Variants in OR10A2 observed in about 807,000 individuals in gnomAD.
OR10A2 encodes olfactory receptor 10A2.
A neutral mutation model predicts 13.7 loss-of-function variants in OR10A2; 15 were observed. The ratio of observed to expected loss-of-function variants is 1.10; its 90% CI spans 0.73 to 1.69. The LOEUF is 1.69. OR10A2 is among the 40% of genes most tolerant of loss of function. The pLI is 0.00. For missense variants in OR10A2, 343 were observed against 361.1 expected (o/e 0.95, Z 0.41); for synonymous variants, 145 against 144.7 (o/e 1.00, Z -0.02).
chr11:6,866,761 T>C (rs1848382006), intron 1 of OR10A2, among the ~76,000 whole-genome samples: 1 of 152,076 alleles, frequency 6.6e-6, no homozygotes, highest in Admixed American at 6.6e-5. Flanking sequence ...AACTTTTCTC[T>C]ATTTTCAGAA....
chr11:6,866,310 G>C (rs183118586), intron 1 of OR10A2, among the ~76,000 whole-genome samples: 317 of 152,320 alleles, frequency 2.1e-3, no homozygotes, highest in African/African-American at 7.3e-3. Flanking sequence ...ACTGTTTTCT[G>C]CAGTGGCTAT....
In OR10A2 at chr11:6,870,547, T is replaced by C. The variant is rs547229389; in HGVS notation, c.793T>C (p.Tyr265His). 2 of 1,614,140 alleles carry C rather than the reference T, an allele frequency of 1.2e-6. No individual in the cohort carries two copies. Among genetic ancestry groups the C allele is most frequent in the Admixed American group, 1.7e-5 (1 of 60,028 alleles). The change falls in exon 2 of 2, where the codon TAC (tyrosine) becomes CAC (histidine). Residue 265 changes from tyrosine (Y) to histidine (H), a missense_variant. Coordinates refer to ENST00000641461, the MANE Select transcript of OR10A2 (RefSeq NM_001004460.2). ...GGGCAAGAAGCTGCTATCATTGTCC[T>C]ACACTGTTATGACTCCCATGTTGAA... ...PEGKKLLSLS[Y>H]TVMTPMLNPI...
In OR10A2 at chr11:6,870,155, C is replaced by T. The variant is rs201402855; in HGVS notation, c.401C>T (p.Ala134Val). ...AGGACTCGTGCCAAACTGGCTGCTG[C>T]CTCCTGGTTCCCAGGCTTTCCTGTA... ...NQRTRAKLAA[A>V]SWFPGFPVAT... Residue 134 changes from alanine (A) to valine (V), a missense_variant, in exon 2 of 2, where the codon GCC becomes GTC. Ala to Val is a moderately conservative substitution (Grantham distance 64). Transcript: ENST00000641461. 1.9e-6 allele frequency: 3 copies of T among 1,614,230 alleles called. No individual in the cohort carries two copies. Among genetic ancestry groups the T allele is most frequent in the Non-Finnish European group, 1.7e-6 (2 of 1,180,010 alleles).
At chr11:6,864,810 A>C (rs1848367024) in intron 1 of OR10A2, among the ~76,000 whole-genome samples, 1 of 151,842 alleles carries the variant, frequency 6.6e-6, no homozygotes, top group Admixed American at 6.6e-5. Flanking sequence ...GGTGTAGCTT[A>C]AGTTCATTTC....
Position 6,869,883 on chromosome 11 carries a change from C to G in OR10A2, c.129C>G (p.His43Gln). The change falls in exon 2 of 2, where the codon CAC becomes CAG. Residue 43 changes from histidine (H) to glutamine (Q), a missense_variant. His to Gln is a conservative substitution (Grantham distance 24). Coordinates refer to ENST00000641461, the MANE Select transcript of OR10A2 (RefSeq NM_001004460.2). ...ILVTLADPML[H>Q]SPMYFFLRNL... ...TTACCCTAGCTGACCCCATGCTACA[C>G]AGCCCCATGTACTTCTTCCTCAGAA... 3 of 1,614,156 alleles carry G rather than the reference C, an allele frequency of 1.9e-6. No individual in the cohort carries two copies. The highest frequency in any genetic ancestry group is 2.5e-6 in the Non-Finnish European group (3 of 1,179,978).
rs767302659 is a variant in OR10A2, at chr11:6,870,706, A to G, written c.*40A>G. On this transcript the variant is annotated 3_prime_UTR_variant, in exon 2 of 2. Transcript: ENST00000641461. ...GGCTACATTTTACTGGATGAGAAAC[A>G]ATCAGTCCCAGATTTGAGATTCCTC... The G allele has an allele frequency of 7.0e-7, 1 of 1,423,602 alleles. No homozygotes were observed. The allele number at this position is 1,423,602 out of a possible 1,614,324, so 88.2% of individuals were successfully genotyped here.
intron 1 of OR10A2, among the ~76,000 whole-genome samples, chr11:6,868,746 T>C (rs1430929110): frequency 6.6e-6 from 1 of 152,188 alleles, no homozygotes; most frequent in African/African-American, 2.4e-5. Flanking sequence ...CTCAATTTCA[T>C]TTTCCAGCTT....
rs1848433711 is a variant in OR10A2 at position 6,871,381 on chromosome 11, T to G, written c.*715T>G. On this transcript the variant is annotated 3_prime_UTR_variant, in exon 2 of 2. Coordinates refer to ENST00000641461, the MANE Select transcript of OR10A2 (RefSeq NM_001004460.2). The stretch of plus-strand genomic sequence containing the variant: ...TGTCACTTTTCCTCTTCTGGGCAGA[T>G]CTGACTCTACATTCATGACAGAAAA... 6.8e-6 allele frequency: 1 copy of G among 147,362 alleles called. No individual in the cohort carries two copies. The highest frequency in any genetic ancestry group is 2.3e-4 in the South Asian group (1 of 4,396). The allele number at this position is 147,362 out of a possible 1,614,324, so 9.1% of individuals were successfully genotyped here.
chr11:6,870,435 A>G lies in OR10A2; in HGVS notation c.681A>G (p.Thr227=), dbSNP rs1258969233. Residue 227 remains threonine, a synonymous_variant, in exon 2 of 2, where the codon ACA becomes ACG. Coordinates refer to ENST00000641461, the MANE Select transcript of OR10A2 (RefSeq NM_001004460.2). The stretch of plus-strand genomic sequence containing the variant: ...AAGGGAAGAATAAAGCCTTTTCTAC[A>G]TGTTCCTCACACCTCCTTGTTGTCT... The part of the protein sequence containing the change: ...SAKGKNKAFS[T]CSSHLLVVSL... 2.5e-6 allele frequency: 4 copies of G among 1,614,018 alleles called. No individual in the cohort carries two copies. In the African/African-American group the frequency reaches 4.0e-5, roughly 16 times the overall value.
Position 6,870,544 on chromosome 11 carries a change from T to C in OR10A2, c.790T>C (p.Ser264Pro), listed in dbSNP as rs143230123. 30 of 1,614,016 alleles carry C rather than the reference T, an allele frequency of 1.9e-5. No individual in the cohort carries two copies. The African/African-American group carries it at 3.7e-4, about 20-fold the overall frequency. ...SPEGKKLLSL[S>P]YTVMTPMLNP... ...TGAGGGCAAGAAGCTGCTATCATTGTCCTACACTGTTATGACTCCCATGTT... is the reference window on the plus strand; with the variant it reads ...TGAGGGCAAGAAGCTGCTATCATTGCCCTACACTGTTATGACTCCCATGTT... The change falls in exon 2 of 2, where the codon TCC becomes CCC. Residue 264 changes from serine (S) to proline (P), a missense_variant. Ser to Pro is a moderately conservative substitution (Grantham distance 74). Transcript: ENST00000641461.
chr11:6,870,319 G>A lies in OR10A2; in HGVS notation c.565G>A (p.Gly189Arg), dbSNP rs758895114. The A allele has an allele frequency of 8.1e-6, 13 of 1,613,986 alleles. No homozygotes were observed. Among genetic ancestry groups the A allele is most frequent in the South Asian group, 6.6e-5 (6 of 91,078 alleles). ...TALFEIYAIV[G>R]TILVVMIPCL... ...ACTCTTTGAGATCTACGCCATCGTCGGAACCATTCTGGTGGTCATGATCCC... is the reference window on the plus strand; with the variant it reads ...ACTCTTTGAGATCTACGCCATCGTCAGAACCATTCTGGTGGTCATGATCCC... The change falls in exon 2 of 2, where the codon GGA (glycine) becomes AGA (arginine). Residue 189 changes from glycine to arginine, a missense_variant. Physicochemically the swap from Gly to Arg is moderately radical, Grantham distance 125. Transcript: ENST00000641461.
At chr11:6,867,403 T>G (rs58144554) in intron 1 of OR10A2, among the ~76,000 whole-genome samples, 49,689 of 151,820 alleles carry the variant, frequency 0.33, 8,632 homozygotes, top group South Asian at 0.41. Context: ...GTAGAGAGGG[T>G]GTTTCAGCAT....
At position 6,870,358 on chromosome 11, in the gene OR10A2, T is replaced by G; in HGVS notation, c.604T>G (p.Leu202Val). ...LVVMIPCLLILCSYTHIAAAI... is the reference protein window; with the variant it reads ...LVVMIPCLLIVCSYTHIAAAI... ...GGTCATGATCCCCTGCTTGCTGATC[T>G]TGTGTTCCTATACTCACATTGCTGC... The change falls in exon 2 of 2, where the codon TTG becomes GTG. Residue 202 changes from leucine (L) to valine (V), a missense_variant. Physicochemically the swap from Leu to Val is conservative, Grantham distance 32 (BLOSUM62 1). Transcript: ENST00000641461. 6.2e-7 allele frequency: 1 copy of G among 1,614,206 alleles called. No individual in the cohort carries two copies. Among genetic ancestry groups the G allele is most frequent in the African/African-American group, 1.3e-5 (1 of 75,046 alleles).
rs1278419342 is a variant in OR10A2 at position 6,870,751 on chromosome 11, C to G, written c.*85C>G. The G allele has an allele frequency of 4.0e-5, 45 of 1,118,886 alleles. No homozygotes were observed. In the East Asian group the frequency reaches 1.1e-3, roughly 27 times the overall value. 69.3% of individuals were successfully genotyped at this position (1,118,886 alleles called of 1,614,324 possible). On this transcript the variant is annotated 3_prime_UTR_variant, in exon 2 of 2. Coordinates refer to ENST00000641461, the MANE Select transcript of OR10A2 (RefSeq NM_001004460.2). ...TTCCTCTCTGCATCTTTCCACATCT[C>G]CAATAAGATGAAGTCCTGTTGCTGA...
At chr11:6,869,056 T>G (rs1378018449) in intron 1 of OR10A2, among the ~76,000 whole-genome samples, 1 of 152,244 alleles carries the variant, frequency 6.6e-6, no homozygotes, top group Non-Finnish European at 1.5e-5. Flanking sequence ...TGAAGGGTTT[T>G]GTAATCCAAT....
intron 1 of OR10A2, among the ~76,000 whole-genome samples, chr11:6,867,903 C>T (rs558919452): frequency 6.6e-6 from 1 of 152,264 alleles, no homozygotes; most frequent in Admixed American, 6.5e-5. Context: ...GCATATGCCA[C>T]CACAACTGGA....
rs1590019087 is a variant in OR10A2, at chr11:6,870,802, G to C, written c.*136G>C. On this transcript the variant is annotated 3_prime_UTR_variant, in exon 2 of 2. Transcript: ENST00000641461. ...AATGGCTTTTGGAAAGCTGAGTGGA[G>C]AGAAAGGAGCAGAGAAGTAGTTTCG... 6 of 698,128 alleles carry C rather than the reference G, an allele frequency of 8.6e-6. No individual in the cohort carries two copies. The East Asian group carries it at 1.1e-4, about 13-fold the overall frequency. The allele number at this position is 698,128 out of a possible 1,614,324, so 43.2% of individuals were successfully genotyped here. A position where few individuals can be genotyped will look rare whatever the true frequency, so the allele number is the denominator to read the frequency against.
Position 6,872,938 on chromosome 11 carries a change from G to T in OR10A2, c.*2272G>T, listed in dbSNP as rs1848451058. ...GGGTTCAATCAATTCTCATGCCTCA[G>T]CCTCTTGAGTAGCTGGGATTACAGG... On this transcript the variant is annotated 3_prime_UTR_variant, in exon 2 of 2. Coordinates refer to ENST00000641461, the MANE Select transcript of OR10A2 (RefSeq NM_001004460.2). 1 of 151,078 alleles carries T rather than the reference G, an allele frequency of 6.6e-6. No individual in the cohort carries two copies. The highest frequency in any genetic ancestry group is 2.4e-5 in the African/African-American group (1 of 40,990). The allele number at this position is 151,078 out of a possible 1,614,324, so 9.4% of individuals were successfully genotyped here.
rs186741423 is a variant in OR10A2, at chr11:6,865,142, T to C, written c.-133+1791T>C. On this transcript the variant is annotated intron_variant, in intron 1 of 1. Coordinates refer to ENST00000641461, the MANE Select transcript of OR10A2 (RefSeq NM_001004460.2). ...TTTCATATAATTACAAAATTTCTTATATATAAATATATATTTATATATACT... is the reference window on the plus strand; with the variant it reads ...TTTCATATAATTACAAAATTTCTTACATATAAATATATATTTATATATACT... Among the ~76,000 whole-genome samples, 491 of 146,276 alleles carry C rather than the reference T, an allele frequency of 3.4e-3. 3 individuals are homozygous for C. The highest frequency in any genetic ancestry group is 0.022 in the Middle Eastern group (6 of 274).
Sources: gnomAD v4.1 joint callset for allele counts (sites outside exome capture counted in the v4.1 genomes callset) on GRCh38, gnomAD v4.1.1 for gene constraint, MANE v1.5 for transcripts, NCBI Gene and HGNC (gene_info 2026-07-23, HGNC 2026-07-21) for gene names.